XXYLT1: variants seen among roughly 807,000 people sequenced by gnomAD.
XXYLT1 encodes the protein xyloside xylosyltransferase 1.
XXYLT1 carries 20 observed loss-of-function variants against 28.9 expected under a neutral mutation model. The ratio of observed to expected loss-of-function variants is 0.69; its 90% CI spans 0.49 to 1.00. XXYLT1 has a LOEUF of 1.00. Ranked by LOEUF, XXYLT1 falls within the 50% of genes least tolerant of loss-of-function variation. The pLI is 0.00. For synonymous variants in XXYLT1, 257 were observed against 253.8 expected (o/e 1.01, Z -0.12); for missense variants, 542 against 560.1 (o/e 0.97, Z 0.33).
chr3:195,209,572 C>A lies in XXYLT1; in HGVS notation c.652+17137G>T, dbSNP rs1723220091. On this transcript the variant is annotated intron_variant, in intron 2 of 3. Transcript: ENST00000310380. The surrounding 1 kb of genome is among the most constrained non-coding windows in gnomAD (Gnocchi z 5.0). Reference sequence around the variant, plus strand: ...CCCTCCTGACAGGCAGAGCCGGTGACAGGGCTCGGGCGAGGCCTTCAAGCC... The same window carrying A: ...CCCTCCTGACAGGCAGAGCCGGTGAAAGGGCTCGGGCGAGGCCTTCAAGCC... The A allele has an allele frequency of 6.6e-6, 1 of 152,514 alleles. No individual in the cohort carries two copies. Among genetic ancestry groups the A allele is most frequent in the Non-Finnish European group, 1.5e-5 (1 of 68,258 alleles). The allele number at this position is 152,514 out of a possible 1,614,324, so 9.4% of individuals were successfully genotyped here.
At chr3:195,189,922 A>C (rs908990665) in intron 2 of XXYLT1, among the ~76,000 whole-genome samples, 2 of 152,216 alleles carry the variant, frequency 1.3e-5, no homozygotes, top group African/African-American at 2.4e-5. Context: ...AACCTGTGAA[A>C]GACAAAGAGA....
intron 3 of XXYLT1, among the ~76,000 whole-genome samples, chr3:195,125,841 G>A (rs1718590331): frequency 6.6e-6 from 1 of 152,174 alleles, no homozygotes; most frequent in Non-Finnish European, 1.5e-5. Flanking sequence ...GTCCTAGGCA[G>A]TCACAGCCGC....
At chr3:195,112,833 A>ACACG (rs556810798) in intron 3 of XXYLT1, among the ~76,000 whole-genome samples, 319 of 149,722 alleles carry the variant, frequency 2.1e-3, no homozygotes, top group African/African-American at 7.5e-3. Context: ...AGCAGCGCAC[A>ACACG]CACGCACACA....
intron 2 of XXYLT1, among the ~76,000 whole-genome samples, chr3:195,169,756 G>C (rs1721303876): frequency 1.3e-5 from 2 of 151,394 alleles, no homozygotes; most frequent in African/African-American, 4.9e-5. Context: ...GTAATCACAG[G>C]GATAAATATT....
intron 3 of XXYLT1, among the ~76,000 whole-genome samples, chr3:195,072,364 C>T (rs1714871192): frequency 6.6e-6 from 1 of 152,222 alleles, no homozygotes; most frequent in African/African-American, 2.4e-5. Flanking sequence ...AGCAAAGAGG[C>T]CGCCCACTGT....
chr3:195,201,267 G>T (rs1414039294), intron 2 of XXYLT1, among the ~76,000 whole-genome samples: 1 of 152,172 alleles, frequency 6.6e-6, no homozygotes, highest in Admixed American at 6.5e-5. Context: ...ACAAGGCCAG[G>T]ATTTCCCTAG....
intron 2 of XXYLT1, among the ~76,000 whole-genome samples, chr3:195,201,948 G>A (rs534481952): frequency 6.6e-6 from 1 of 152,294 alleles, no homozygotes; most frequent in East Asian, 1.9e-4. Flanking sequence ...GGAGGCCAAG[G>A]TGGGCGGATC....
At chr3:195,248,392 C>T (rs745662050) in intron 1 of XXYLT1, among the ~76,000 whole-genome samples, 15 of 152,178 alleles carry the variant, frequency 9.9e-5, no homozygotes, top group Non-Finnish European at 2.1e-4. Context: ...AGGTCTTTCC[C>T]GTGCAGTTCC....
chr3:195,118,952 C>G (rs939646515), intron 3 of XXYLT1, among the ~76,000 whole-genome samples: 2 of 152,100 alleles, frequency 1.3e-5, no homozygotes, highest in African/African-American at 2.4e-5. Context: ...CAGGTCACCT[C>G]TCTGCTTTGA....
chr3:195,201,551 C>T (rs776671659), intron 2 of XXYLT1, among the ~76,000 whole-genome samples: 4 of 152,218 alleles, frequency 2.6e-5, no homozygotes, highest in African/African-American at 4.8e-5. Flanking sequence ...ATCCCATTTC[C>T]GTCCCTCTGG....
At chr3:195,115,000 G>A (rs896378033) in intron 3 of XXYLT1, among the ~76,000 whole-genome samples, 5 of 152,196 alleles carry the variant, frequency 3.3e-5, no homozygotes, top group African/African-American at 9.7e-5. Flanking sequence ...GGCCCCACCC[G>A]TTCCACTCGT....
chr3:195,231,484 T>C (rs1205456309), intron 1 of XXYLT1, among the ~76,000 whole-genome samples: 3 of 152,180 alleles, frequency 2.0e-5, no homozygotes, highest in African/African-American at 7.2e-5. Flanking sequence ...GGCTTTCAGT[T>C]TTTCCCCATT....
At chr3:195,190,506 A>C (rs1173300425) in intron 2 of XXYLT1, among the ~76,000 whole-genome samples, 2 of 151,470 alleles carry the variant, frequency 1.3e-5, no homozygotes, top group East Asian at 3.9e-4. Flanking sequence ...AAAAAAAAAA[A>C]AAAAAAAAAA....
intron 3 of XXYLT1, chr3:195,152,695 C>T (rs1720343620): frequency 6.6e-6 from 1 of 152,198 alleles, no homozygotes; most frequent in African/African-American, 2.4e-5. Context: ...ACTCATGGCA[C>T]ACAATACAGA....
At chr3:195,202,049 C>T (rs1445783530) in intron 2 of XXYLT1, among the ~76,000 whole-genome samples, 2 of 151,270 alleles carry the variant, frequency 1.3e-5, no homozygotes, top group South Asian at 2.1e-4. Context: ...TGGTGGTGTG[C>T]ACCTGTAATC....
intron 1 of XXYLT1, among the ~76,000 whole-genome samples, chr3:195,254,533 G>A (rs1018596906): frequency 3.9e-5 from 6 of 152,224 alleles, no homozygotes; most frequent in Admixed American, 3.9e-4. Context: ...TGCCAAAACT[G>A]CTCTTTTGTT....
At chr3:195,258,242 G>C (rs1448397258) in intron 1 of XXYLT1, among the ~76,000 whole-genome samples, 2 of 152,140 alleles carry the variant, frequency 1.3e-5, no homozygotes, top group African/African-American at 4.8e-5. Context: ...CCCCACTCAG[G>C]GGGATAGTGT....
chr3:195,153,051 C>T (rs370887131), intron 3 of XXYLT1, among the ~76,000 whole-genome samples: 1 of 152,184 alleles, frequency 6.6e-6, no homozygotes, highest in Non-Finnish European at 1.5e-5. Flanking sequence ...GTCTGACGGC[C>T]GCAGCAATGG....
At chr3:195,086,551 G>A (rs1715739869) in intron 3 of XXYLT1, among the ~76,000 whole-genome samples, 1 of 152,136 alleles carries the variant, frequency 6.6e-6, no homozygotes, top group Non-Finnish European at 1.5e-5. Context: ...CTGACTATGA[G>A]CCAGGGCCAG....
Sources: allele counts gnomAD v4.1 joint callset (sites outside exome capture counted in the v4.1 genomes callset), GRCh38; gene constraint gnomAD v4.1.1; non-coding constraint Gnocchi (gnomAD v3.1); transcripts MANE v1.5; gene names NCBI Gene and HGNC (gene_info 2026-07-23, HGNC 2026-07-21).